USP39: variants seen among roughly 807,000 people sequenced by gnomAD.
USP39 encodes the protein ubiquitin carboxyl-terminal hydrolase 39.
In USP39, 38 loss-of-function variants were observed where a neutral mutation model predicts 66.4. The ratio of observed to expected loss-of-function variants is 0.57; its 90% CI spans 0.44 to 0.75. The LOEUF (loss-of-function observed/expected upper bound fraction) is 0.75. Ranked by LOEUF, USP39 falls within the 30% of genes least tolerant of loss-of-function variation. USP39 has a pLI of 0.00. For missense variants in USP39, 608 were observed against 714.4 expected, an observed-to-expected ratio of 0.85 and a Z score of 1.70; for synonymous variants, 303 against 274.6, an observed-to-expected ratio of 1.10 and a Z score of -1.02.
rs11544042 is a variant in USP39, at chr2:85,616,225, C to T, written c.30C>T (p.Arg10=). MSGRSKRES[R]GSTRGKRESE... is the part of the protein sequence containing the mutation. Reference sequence around the variant, plus strand: ...CCGGCCGGTCTAAGCGGGAGTCTCGCGGTTCCACTCGCGGGAAGCGAGAGT... The same window carrying T: ...CCGGCCGGTCTAAGCGGGAGTCTCGTGGTTCCACTCGCGGGAAGCGAGAGT... The change falls in exon 1 of 13, where the codon CGC becomes CGT. Residue 10 remains arginine (R), a synonymous_variant. Transcript: ENST00000323701. 85,999 of 1,483,862 alleles carry T rather than the reference C, an allele frequency of 0.058. 2,905 individuals are homozygous for T. Among genetic ancestry groups the T allele is most frequent in the Middle Eastern group, 0.11 (544 of 5,094 alleles). The allele number at this position is 1,483,862 out of a possible 1,614,324, so 91.9% of individuals were successfully genotyped here.
intron 9 of USP39, 64 bp from the exon 10 acceptor site, chr2:85,640,912 A>T: frequency 6.8e-7 from 1 of 1,471,214 alleles, no homozygotes; most frequent in South Asian, 1.3e-5. Context: ...TGAAAAACTC[A>T]TGCCCCTGCT....
chr2:85,615,782 C>T (rs992053933), upstream of USP39, among the ~76,000 whole-genome samples: 2 of 152,220 alleles, frequency 1.3e-5, no homozygotes, highest in Non-Finnish European at 2.9e-5. Flanking sequence ...AGGCATGCGC[C>T]ACAATGCCGG....
In USP39 at chr2:85,616,218, A is replaced by G. The variant is rs781741366; in HGVS notation, c.23A>G (p.Glu8Gly). The G allele has an allele frequency of 2.0e-6, 3 of 1,465,974 alleles. No homozygotes were observed. Among genetic ancestry groups the G allele is most frequent in the Non-Finnish European group, 2.7e-6 (3 of 1,102,108 alleles). 90.8% of individuals were successfully genotyped at this position (1,465,974 alleles called of 1,614,324 possible). The change falls in exon 1 of 13, where the codon GAG (glutamate) becomes GGG (glycine). Residue 8 changes from glutamate to glycine, a missense_variant. By Grantham distance (98) the Glu-to-Gly change is moderately conservative. Coordinates refer to ENST00000323701, the MANE Select transcript of USP39 (RefSeq NM_006590.4). ...GAGATGTCCGGCCGGTCTAAGCGGG[A>G]GTCTCGCGGTTCCACTCGCGGGAAG... The part of the protein sequence containing the change: MSGRSKR[E>G]SRGSTRGKRE...
At chr2:85,610,129 C>G (rs1408621674), upstream of USP39, 2 of 151,832 alleles carry the variant, frequency 1.3e-5, no homozygotes, top group African/African-American at 4.9e-5. Flanking sequence ...ATTCTCCTTC[C>G]TCAGCCTCCC....
upstream of USP39, chr2:85,611,618 G>A (rs781069341): frequency 4.5e-6 from 7 of 1,559,350 alleles, no homozygotes; most frequent in Middle Eastern, 1.7e-4. Flanking sequence ...AGGGGAGTGC[G>A]TTGCAGGAAG....
intron 2 of USP39, 142 bp downstream of exon 2, chr2:85,619,431 C>G (rs1674279559): frequency 1.3e-6 from 1 of 780,286 alleles, no homozygotes. Context: ...TGCCATGTTA[C>G]TCCTTATTCT....
At chr2:85,642,202 A>G (rs1472409008) in intron 10 of USP39, among the ~76,000 whole-genome samples, 2 of 152,208 alleles carry the variant, frequency 1.3e-5, no homozygotes, top group Non-Finnish European at 2.9e-5. Flanking sequence ...GAACATTTGC[A>G]GTTGAGAATT....
intron 5 of USP39, among the ~76,000 whole-genome samples, chr2:85,626,840 C>T (rs970072273): frequency 6.6e-6 from 1 of 151,840 alleles, no homozygotes; most frequent in Admixed American, 6.6e-5. Context: ...GCTTCAGCCT[C>T]CCGAGTAGCT....
chr2:85,604,979 C>T (rs1293592208), intron 1 of USP39, among the ~76,000 whole-genome samples: 1 of 152,148 alleles, frequency 6.6e-6, no homozygotes, highest in African/African-American at 2.4e-5. Context: ...GATGGAGCTC[C>T]GTATGACAGA....
chr2:85,607,597 A>G (rs1419761181), upstream of USP39: 1 of 152,180 alleles, frequency 6.6e-6, no homozygotes, highest in Non-Finnish European at 1.5e-5. Flanking sequence ...TAATGACAAG[A>G]TTGAAGTAGC....
chr2:85,629,137 C>T (rs1000476223), intron 5 of USP39, among the ~76,000 whole-genome samples: 2 of 152,070 alleles, frequency 1.3e-5, no homozygotes, highest in Non-Finnish European at 2.9e-5. Flanking sequence ...GATCTTGGCT[C>T]GCTGCAACCT....
At chr2:85,606,283 A>G (rs1054511036) in intron 1 of USP39, among the ~76,000 whole-genome samples, 6 of 152,244 alleles carry the variant, frequency 3.9e-5, no homozygotes, top group African/African-American at 1.4e-4. Context: ...ACTGTACGCC[A>G]CAGCACCGGA....
intron 11 of USP39, among the ~76,000 whole-genome samples, chr2:85,645,427 G>A (rs1676569505): frequency 6.6e-6 from 1 of 152,020 alleles, no homozygotes; most frequent in East Asian, 1.9e-4. Flanking sequence ...GGGATTACAG[G>A]CGCCCATCAC....
At chr2:85,612,107 G>A (rs982462801), upstream of USP39, 21 of 963,594 alleles carry the variant, frequency 2.2e-5, no homozygotes, top group Non-Finnish European at 3.0e-5. Context: ...CGGTCTGGGA[G>A]GCCCCGGCCT....
chr2:85,609,545 C>A, upstream of USP39: 1 of 1,614,162 alleles, frequency 6.2e-7, no homozygotes, highest in Non-Finnish European at 8.5e-7. Flanking sequence ...CTGCTTTCAC[C>A]GGACTCTTCA....
upstream of USP39, chr2:85,609,215 A>G: frequency 7.0e-6 from 9 of 1,293,914 alleles, no homozygotes; most frequent in Non-Finnish European, 9.5e-6. Flanking sequence ...TGTAATAGTG[A>G]TTCTCCACTG....
chr2:85,640,136 T>C (rs1418917921), intron 9 of USP39, among the ~76,000 whole-genome samples: 1 of 152,092 alleles, frequency 6.6e-6, no homozygotes, highest in Non-Finnish European at 1.5e-5. Flanking sequence ...CCTCCCAAAG[T>C]GTTGGGATTA....
In USP39 at chr2:85,616,388, T is replaced by G. The variant is rs748429498; in HGVS notation, c.193T>G (p.Ser65Ala). The G allele has an allele frequency of 6.2e-7, 1 of 1,603,678 alleles. No homozygotes were observed. Among genetic ancestry groups the G allele is most frequent in the Non-Finnish European group, 8.5e-7 (1 of 1,175,250 alleles). ...EPASAREAPA[S>A]VVPFVRVKRE... Reference sequence around the variant, plus strand: ...GGCGAGCGCGCGCGAGGCCCCGGCTTCTGTTGTCCCGTTTGTGCGGGTGAA... The same window carrying G: ...GGCGAGCGCGCGCGAGGCCCCGGCTGCTGTTGTCCCGTTTGTGCGGGTGAA... Residue 65 changes from serine (S) to alanine (A), a missense_variant, in exon 1 of 13, where the codon TCT (serine) becomes GCT (alanine). Ser to Ala is a moderately conservative substitution (Grantham distance 99). Coordinates refer to ENST00000323701, the MANE Select transcript of USP39 (RefSeq NM_006590.4).
chr2:85,607,445 A>G (rs1384944863), upstream of USP39: 1 of 152,164 alleles, frequency 6.6e-6, no homozygotes, highest in Non-Finnish European at 1.5e-5. Flanking sequence ...TGGTAAGTTT[A>G]AGGCACTTAA....
Sources: gnomAD v4.1 joint callset for allele counts (sites outside exome capture counted in the v4.1 genomes callset) on GRCh38, gnomAD v4.1.1 for gene constraint, MANE v1.5 for transcripts, NCBI Gene and HGNC (gene_info 2026-07-23, HGNC 2026-07-21) for gene names.